The following RIPOR1 variants were observed in gnomAD, a reference collection of about 807,000 sequenced individuals.
RIPOR1 encodes the protein RHO family interacting cell polarization regulator 1.
Under a neutral mutation model 116.5 loss-of-function variants are expected in RIPOR1, and 58 were observed. That is an observed-to-expected ratio of 0.50 (90% CI 0.40 to 0.62). The LOEUF is 0.62. Ranked by LOEUF, RIPOR1 falls within the 20% of genes least tolerant of loss-of-function variation. The pLI is 0.00. For missense variants in RIPOR1, 1,372 were observed against 1,586.2 expected (o/e 0.86, Z 2.29); for synonymous variants, 605 against 650.0 (o/e 0.93, Z 1.05).
chr16:67,526,132 G>A (rs776200227), upstream of RIPOR1, among the ~76,000 whole-genome samples: 2 of 152,176 alleles, frequency 1.3e-5, no homozygotes, highest in African/African-American at 2.4e-5. Context: ...TCACAGGCCT[G>A]GCCATGGACA....
Position 67,544,682 on chromosome 16 carries a change from C to T in RIPOR1, c.2734-13C>T. The T allele has an allele frequency of 6.2e-7, 1 of 1,612,310 alleles. No homozygotes were observed. The highest frequency in any genetic ancestry group is 2.2e-5 in the East Asian group (1 of 44,888). On this transcript the variant is annotated splice_polypyrimidine_tract_variant and intron_variant, in intron 15 of 21. Coordinates refer to ENST00000042381, the MANE Select transcript of RIPOR1 (RefSeq NM_024519.4). The surrounding 1 kb of genome is among the most constrained non-coding windows in gnomAD (Gnocchi z 5.1). ...CCTGAGGCCTGAGCTACTTGGCCAC[C>T]CATGTTCTCCAGAAACTGGGCACAT...
intron 1 of RIPOR1, chr16:67,538,103 G>A: frequency 3.5e-6 from 1 of 285,450 alleles, no homozygotes; most frequent in African/African-American, 2.2e-5. Flanking sequence ...CACATTCTTC[G>A]CGCGCGCCGC....
chr16:67,520,423 GAGAGAAGAGAAGATAAGAGAAGAGA>G (rs2050485704), intron 1 of RIPOR1, among the ~76,000 whole-genome samples: 1 of 142,528 alleles, frequency 7.0e-6, no homozygotes, highest in Non-Finnish European at 1.5e-5. Flanking sequence ...GGATGGAAAA[GAGAGAAGAGAAGATAAGAGAAGAGA>G]AGAGAAGAGA....
chr16:67,539,046 A>C lies in RIPOR1; in HGVS notation c.314A>C (p.Glu105Ala). ...EQEKLQGQIR[E>A]SKRNSRLGFL... The stretch of plus-strand genomic sequence containing the variant: ...GAGAAACTCCAGGGGCAGATAAGGG[A>C]GTCCAAGAGGAATTCCCGCTTGGTG... The change falls in exon 4 of 22, where the codon GAG becomes GCG. Residue 105 changes from glutamate to alanine, a missense_variant. Physicochemically the swap from Glu to Ala is moderately radical, Grantham distance 107. Around this residue, in one of 3 missense-constraint regions of RIPOR1, gnomAD observed 165 missense variants for 145.5 expected, o/e 1.13. Coordinates refer to ENST00000042381, the MANE Select transcript of RIPOR1 (RefSeq NM_024519.4). 6.2e-7 allele frequency: 1 copy of C among 1,613,148 alleles called. No homozygotes were observed. The highest frequency in any genetic ancestry group is 8.5e-7 in the Non-Finnish European group (1 of 1,179,752).
At chr16:67,533,999 T>TA (rs1486786727) in intron 1 of RIPOR1, among the ~76,000 whole-genome samples, 1 of 144,170 alleles carries the variant, frequency 6.9e-6, no homozygotes, top group Non-Finnish European at 1.5e-5. Flanking sequence ...TTTTTTTTTT[T>TA]AGTAGAGACG....
Position 67,537,859 on chromosome 16 carries a change from G to A in RIPOR1, c.-23-565G>A, listed in dbSNP as rs1294349654. The stretch of plus-strand genomic sequence containing the variant: ...TGCCTGGAGGGCGCCGGGACGCCCG[G>A]GCCGGTGGGGGCTGGGGGCAGCAGG... On this transcript the variant is annotated intron_variant, in intron 1 of 21. Transcript: ENST00000042381. The surrounding 1 kb of genome is among the most constrained non-coding windows in gnomAD (Gnocchi z 4.6). Among the ~76,000 whole-genome samples, 1 of 151,860 alleles carries A rather than the reference G, an allele frequency of 6.6e-6. No individual in the cohort carries two copies. Among genetic ancestry groups the A allele is most frequent in the Admixed American group, 6.5e-5 (1 of 15,280 alleles).
chr16:67,539,870 CTGCGACGACTGGAG>C lies in RIPOR1; in HGVS notation c.387_400del (p.Arg130ProfsTer7). 6.2e-7 allele frequency: 1 copy of C among 1,614,192 alleles called. No homozygotes were observed. Among genetic ancestry groups the C allele is most frequent in the Non-Finnish European group, 8.5e-7 (1 of 1,180,026 alleles). On this transcript the variant is annotated frameshift_variant, in exon 6 of 22. Transcript: ENST00000042381. LOFTEE classifies it high-confidence loss of function. ...GCAAGTCAAGTCCATTGAACGCTTC[CTGCGACGACTGGAG>C]TTCCATGCCAGCAAGGTACGAGTGC...
chr16:67,529,707 C>T lies in RIPOR1; in HGVS notation c.-24+793C>T, dbSNP rs1471061172. ...TTCTAACGTGTGTCCAGGCTGGCCG[C>T]CCCAGCACCTACTGTGCGCAGCCTC... On this transcript the variant is annotated intron_variant, in intron 1 of 21. Transcript: ENST00000042381. This position sits in a 1 kb window ranked among gnomAD's most constrained non-coding sequence, Gnocchi z 4.1. 1 of 1,512,298 alleles carries T rather than the reference C, an allele frequency of 6.6e-7. No homozygotes were observed. The highest frequency in any genetic ancestry group is 8.8e-7 in the Non-Finnish European group (1 of 1,132,582). 93.7% of individuals were successfully genotyped at this position (1,512,298 alleles called of 1,614,324 possible).
In RIPOR1 at chr16:67,519,082, T is replaced by C. The variant is rs35331383; in HGVS notation, c.-24+469T>C. 3.2e-3 allele frequency among the ~76,000 whole-genome samples: 492 copies of C among 152,238 alleles called. 7 individuals are homozygous for C. The highest frequency in any genetic ancestry group is 0.011 in the African/African-American group (455 of 41,544). On this transcript the variant is annotated intron_variant, in intron 1 of 1. Coordinates refer to the RIPOR1 transcript ENST00000562116. ...GGTGGATCACCTGAGGTCAGGAGTTTGAGACCAGCCTGGACAACACGATGA... is the reference window on the plus strand; with the variant it reads ...GGTGGATCACCTGAGGTCAGGAGTTCGAGACCAGCCTGGACAACACGATGA...
At chr16:67,523,497 G>A (rs2050511954) in intron 1 of RIPOR1, among the ~76,000 whole-genome samples, 1 of 111,994 alleles carries the variant, frequency 8.9e-6, no homozygotes, top group African/African-American at 3.5e-5. Flanking sequence ...CTGCACTCCA[G>A]CCTAGTGACA....
At chr16:67,525,009 C>T (rs1168989027), upstream of RIPOR1, among the ~76,000 whole-genome samples, 1 of 152,252 alleles carries the variant, frequency 6.6e-6, no homozygotes, top group African/African-American at 2.4e-5. Context: ...AGGCCCCGCA[C>T]GCAATTCTCC....
intron 1 of RIPOR1, among the ~76,000 whole-genome samples, chr16:67,520,387 A>G (rs1010189271): frequency 2.7e-5 from 4 of 146,188 alleles, no homozygotes; most frequent in African/African-American, 1.1e-4. Flanking sequence ...CAAAAAAAAA[A>G]AAGAAAAGAA....
chr16:67,519,930 C>T (rs879675186), intron 1 of RIPOR1, among the ~76,000 whole-genome samples: 10 of 150,614 alleles, frequency 6.6e-5, no homozygotes, highest in East Asian at 2.0e-4. Context: ...GGTGTGGTGG[C>T]GGGCACCTGT....
Position 67,538,696 on chromosome 16 carries a change from G to T in RIPOR1, c.129G>T (p.Pro43=). The stretch of plus-strand genomic sequence containing the variant: ...GGAGTTTCCCGGTCTTCAGCCCGCC[G>T]GGGCCCCCACGGAAGCCCCCCGCGC... ...GPRSFPVFSP[P]GPPRKPPALS... The change falls in exon 3 of 22, where the codon CCG becomes CCT. Residue 43 remains proline, a synonymous_variant. Coordinates refer to ENST00000042381, the MANE Select transcript of RIPOR1 (RefSeq NM_024519.4). 6.2e-7 allele frequency: 1 copy of T among 1,613,000 alleles called. No individual in the cohort carries two copies.
At chr16:67,520,813 A>G (rs974295555) in intron 1 of RIPOR1, among the ~76,000 whole-genome samples, 10 of 152,024 alleles carry the variant, frequency 6.6e-5, no homozygotes, top group Non-Finnish European at 1.2e-4. Flanking sequence ...AAAAAAGAAA[A>G]AAAAAAATGA....
Position 67,529,194 on chromosome 16 carries a change from C to A in RIPOR1, c.-24+280C>A. 6.6e-6 allele frequency among the ~76,000 whole-genome samples: 1 copy of A among 152,344 alleles called. No individual in the cohort carries two copies. The highest frequency in any genetic ancestry group is 1.5e-5 in the Non-Finnish European group (1 of 68,012). On this transcript the variant is annotated intron_variant, in intron 1 of 21. Transcript: ENST00000042381. The surrounding 1 kb of genome is among the most constrained non-coding windows in gnomAD (Gnocchi z 4.1). ...GGCCCTGGCGGCCGGTGCCCCGGGG[C>A]GCTGGGATGGGCCAGGCCAGAGAGC...
intron 1 of RIPOR1, among the ~76,000 whole-genome samples, chr16:67,521,123 G>C (rs1439516226): frequency 6.6e-6 from 1 of 152,186 alleles, no homozygotes; most frequent in East Asian, 1.9e-4. Flanking sequence ...CTGTCACACA[G>C]AACCGAACAG....
At chr16:67,519,379 G>A (rs2050474616) in intron 1 of RIPOR1, among the ~76,000 whole-genome samples, 1 of 152,124 alleles carries the variant, frequency 6.6e-6, no homozygotes, top group African/African-American at 2.4e-5. Flanking sequence ...CAGTCCAGCT[G>A]GAACTACGCC....
intron 1 of RIPOR1, chr16:67,538,158 C>G (rs2050854193): frequency 5.2e-6 from 2 of 383,184 alleles, no homozygotes; most frequent in Non-Finnish European, 9.3e-6. Context: ...CCCGCGCGAC[C>G]CCCCTTCCTG....
Sources: gnomAD v4.1 joint callset for allele counts (sites outside exome capture counted in the v4.1 genomes callset) on GRCh38, gnomAD v4.1.1 for gene constraint, gnomAD v4.1.1 regional missense constraint, Gnocchi (gnomAD v3.1) non-coding constraint, MANE v1.5 for transcripts, NCBI Gene and HGNC (gene_info 2026-07-23, HGNC 2026-07-21) for gene names.